Variants in OSBPL10 observed in about 807,000 individuals in gnomAD.
The protein encoded by OSBPL10 is oxysterol binding protein like 10, also known as oxysterol-binding protein-related protein 10.
Under a neutral mutation model 81.7 loss-of-function variants are expected in OSBPL10, and 49 were observed. The ratio of observed to expected loss-of-function variants is 0.60; its 90% CI spans 0.48 to 0.76. OSBPL10 has a LOEUF of 0.76. OSBPL10 is among the 30% of genes least tolerant of loss of function. The pLI, the probability that OSBPL10 is intolerant of heterozygous loss-of-function variation, is 0.00. For synonymous variants in OSBPL10, 419 were observed against 383.6 expected (o/e 1.09, Z -1.08); for missense variants, 923 against 987.8 (o/e 0.93, Z 0.88).
chr3:31,864,222 TA>T (rs1324222224), intron 3 of OSBPL10, among the ~76,000 whole-genome samples: 1 of 152,142 alleles, frequency 6.6e-6, no homozygotes, highest in Non-Finnish European at 1.5e-5. Flanking sequence ...CACAGAAGTA[TA>T]AGGGGCTTTC....
intron 4 of OSBPL10, among the ~76,000 whole-genome samples, chr3:31,822,670 G>C (rs999993715): frequency 1.3e-5 from 2 of 151,968 alleles, no homozygotes; most frequent in Non-Finnish European, 2.9e-5. Context: ...AGCACTTCGG[G>C]AGGCCAAAGC....
intron 2 of OSBPL10, among the ~76,000 whole-genome samples, chr3:32,006,405 A>G (rs1243264390): frequency 6.6e-6 from 1 of 152,164 alleles, no homozygotes; most frequent in African/African-American, 2.4e-5. Context: ...GCCAGTTGTC[A>G]TCTTTGTCTA....
rs1259834289 is a variant in OSBPL10 at position 31,905,665 on chromosome 3, C to T, written c.282-25835G>A. On this transcript the variant is annotated intron_variant, in intron 1 of 11. Transcript: ENST00000396556. ...GTGCCCAGCCAGAACCTAGTGAATT[C>T]TCATCACAATAGACAAGATTAAGGC... 3.9e-5 allele frequency among the ~76,000 whole-genome samples: 6 copies of T among 151,916 alleles called. No homozygotes were observed. The South Asian group carries it at 6.2e-4, about 16-fold the overall frequency.
chr3:31,982,609 T>C (rs1229562785), upstream of OSBPL10, among the ~76,000 whole-genome samples: 2 of 151,494 alleles, frequency 1.3e-5, no homozygotes, highest in East Asian at 3.9e-4. Context: ...GAAGTGGTTG[T>C]GCCCCTGAGT....
At chr3:31,663,689 T>C in intron 11 of OSBPL10, 2 of 1,095,506 alleles carry the variant, frequency 1.8e-6, no homozygotes, top group Non-Finnish European at 2.2e-6. Flanking sequence ...GGTGTTGAGA[T>C]GGCCTGTGAG....
chr3:32,012,028 T>A (rs534830076), intron 2 of OSBPL10, among the ~76,000 whole-genome samples: 16 of 152,326 alleles, frequency 1.1e-4, no homozygotes, highest in South Asian at 2.1e-4. Flanking sequence ...TGCAGGATAT[T>A]ATCCAGGAAA....
At chr3:31,919,332 A>G (rs1049867961) in intron 1 of OSBPL10, 2 of 152,250 alleles carry the variant, frequency 1.3e-5, no homozygotes, top group Non-Finnish European at 2.9e-5. Context: ...TGACTTATTT[A>G]TTGCAAGTAA....
chr3:32,048,128 A>G (rs1273756335), intron 1 of OSBPL10, among the ~76,000 whole-genome samples: 1 of 152,070 alleles, frequency 6.6e-6, no homozygotes, highest in Non-Finnish European at 1.5e-5. Flanking sequence ...AATGCCTCTG[A>G]CAACCCCACA....
intron 1 of OSBPL10, among the ~76,000 whole-genome samples, chr3:31,917,032 C>T (rs1696775845): frequency 1.3e-5 from 2 of 152,030 alleles, no homozygotes; most frequent in African/African-American, 4.8e-5. Flanking sequence ...TAATGTGAGG[C>T]TGTGCCTCCT....
chr3:32,035,937 A>G (rs966462965), intron 2 of OSBPL10, among the ~76,000 whole-genome samples: 4 of 152,160 alleles, frequency 2.6e-5, no homozygotes, highest in Non-Finnish European at 5.9e-5. Flanking sequence ...TGTATCCATC[A>G]AACAGTAACT....
At chr3:32,006,134 G>A (rs1055859886) in intron 2 of OSBPL10, among the ~76,000 whole-genome samples, 6 of 151,438 alleles carry the variant, frequency 4.0e-5, no homozygotes, top group South Asian at 2.1e-4. Context: ...TAATAGAGAC[G>A]GGGGTTTCAC....
At chr3:31,889,801 G>A (rs951034852) in intron 1 of OSBPL10, among the ~76,000 whole-genome samples, 3 of 152,098 alleles carry the variant, frequency 2.0e-5, no homozygotes, top group African/African-American at 7.2e-5. Context: ...GGAGGATATT[G>A]CATGTTCCCA....
intron 1 of OSBPL10, among the ~76,000 whole-genome samples, chr3:32,069,689 AC>A (rs1378443704): frequency 6.6e-6 from 1 of 152,200 alleles, no homozygotes; most frequent in African/African-American, 2.4e-5. Flanking sequence ...GAATTAATCA[AC>A]CTCACCTTCA....
At chr3:31,927,138 A>C (rs903864977) in intron 1 of OSBPL10, among the ~76,000 whole-genome samples, 1 of 152,076 alleles carries the variant, frequency 6.6e-6, no homozygotes, top group Non-Finnish European at 1.5e-5. Context: ...CAAAAAGTCA[A>C]AGGTAAAGTA....
At chr3:31,945,222 G>C (rs1232306622) in intron 1 of OSBPL10, among the ~76,000 whole-genome samples, 1 of 151,452 alleles carries the variant, frequency 6.6e-6, no homozygotes, top group Non-Finnish European at 1.5e-5. Context: ...CATTTTGGGA[G>C]GAGAAAATTA....
intron 1 of OSBPL10, among the ~76,000 whole-genome samples, chr3:32,067,894 T>A (rs1018366046): frequency 1.3e-5 from 2 of 152,212 alleles, no homozygotes; most frequent in Non-Finnish European, 2.9e-5. Flanking sequence ...ACACAAAGCC[T>A]GTTTAGTGGT....
In OSBPL10 at chr3:31,939,447, C is replaced by T. The variant is rs76611111; in HGVS notation, c.281+41452G>A. Among the ~76,000 whole-genome samples the T allele has an allele frequency of 0.014, 2,057 of 151,124 alleles. 183 individuals carry two copies. The East Asian group carries it at 0.22, about 16-fold the overall frequency. On this transcript the variant is annotated intron_variant, in intron 1 of 11. Transcript: ENST00000396556. ...CATGAGTCACCACACCTGGCCAACT[C>T]TTTCATCTTAAAAAAAAAAAACAAA...
intron 6 of OSBPL10, among the ~76,000 whole-genome samples, chr3:31,707,018 G>A (rs1210035828): frequency 6.6e-6 from 1 of 152,040 alleles, no homozygotes; most frequent in African/African-American, 2.4e-5. Context: ...CAGGTAGCTG[G>A]GGTCAACACA....
chr3:31,749,344 G>C (rs1181506957), intron 4 of OSBPL10, among the ~76,000 whole-genome samples: 1 of 152,212 alleles, frequency 6.6e-6, no homozygotes, highest in Admixed American at 6.5e-5. Flanking sequence ...ATTGTTAATA[G>C]ACACATTCCA....
Sources: gnomAD v4.1 joint callset for allele counts (sites outside exome capture counted in the v4.1 genomes callset) on GRCh38, gnomAD v4.1.1 for gene constraint, MANE v1.5 for transcripts, NCBI Gene and HGNC (gene_info 2026-07-23, HGNC 2026-07-21) for gene names.